The following PIEZO1 variants were observed in gnomAD, a reference collection of about 807,000 sequenced individuals.
PIEZO1 encodes piezo-type mechanosensitive ion channel component 1.
PIEZO1 carries 296 observed loss-of-function variants against 297.2 expected under a neutral mutation model. The observed-to-expected ratio is 1.00, with a 90% CI of 0.91 to 1.10. The LOEUF (loss-of-function observed/expected upper bound fraction) is 1.10. PIEZO1 is among the 50% of genes least tolerant of loss of function. The pLI, the probability that PIEZO1 is intolerant of heterozygous loss-of-function variation, is 0.00. For synonymous variants in PIEZO1, 2,427 were observed against 1,507.5 expected, an observed-to-expected ratio of 1.61 and a Z score of -14.13; for missense variants, 5,018 against 3,455.5, an observed-to-expected ratio of 1.45 and a Z score of -11.34.
In PIEZO1 at chr16:88,738,360, G is replaced by A. The variant is rs777483750; in HGVS notation, c.715C>T (p.Pro239Ser). The change falls in exon 7 of 51, where the codon CCC becomes TCC. Residue 239 changes from proline (P) to serine (S), a missense_variant. Physicochemically the swap from Pro to Ser is moderately conservative, Grantham distance 74. Transcript: ENST00000301015. ...ALCTWWACHF[P>S]ISTRGFSRLC... ...CTGCTGAAGCCCCGAGTGCTGATGGGAAAGTGGCAGGCCCACCAGGTGCAG... is the reference window on the plus strand; with the variant it reads ...CTGCTGAAGCCCCGAGTGCTGATGGAAAAGTGGCAGGCCCACCAGGTGCAG... The A allele has an allele frequency of 6.5e-7, 1 of 1,535,776 alleles. No homozygotes were observed. Among genetic ancestry groups the A allele is most frequent in the Admixed American group, 2.0e-5 (1 of 50,990 alleles).
At chr16:88,738,987 C>G in intron 5 of PIEZO1, 1 of 567,576 alleles carries the variant, frequency 1.8e-6, no homozygotes, top group Non-Finnish European at 3.2e-6. Flanking sequence ...GGCCGAAGAC[C>G]CAGGGTCTGT....
At position 88,732,339 on chromosome 16, in the gene PIEZO1, A is replaced by C; in HGVS notation, c.2987T>G (p.Leu996Arg). ...GAGGCAATGTCCTTGCCTCACCTCC[A>C]GCCCGAATTTGTAGAAGAAGAAGTT... ...FINFFFYKFG[L>R]EICFLMAVNV... The change falls in exon 21 of 51, where the codon CTG (leucine) becomes CGG (arginine). Residue 996 changes from leucine to arginine, a missense_variant. Transcript: ENST00000301015. 1 of 1,549,144 alleles carries C rather than the reference A, an allele frequency of 6.5e-7. No homozygotes were observed. The highest frequency in any genetic ancestry group is 8.7e-7 in the Non-Finnish European group (1 of 1,146,116).
rs533650274 is a variant in PIEZO1, at chr16:88,748,817, C to A, written c.160+567G>T. ...GCGTGGTGGCTCACACCTGTAATTG[C>A]AGCTACTTGGGAGGCTGGGATGCGA... is the stretch of plus-strand genomic sequence containing the variant. On this transcript the variant is annotated intron_variant, in intron 2 of 50. Transcript: ENST00000301015. Among the ~76,000 whole-genome samples the A allele has an allele frequency of 4.6e-5, 7 of 151,262 alleles. No homozygotes were observed. In the South Asian group the frequency reaches 8.4e-4, roughly 18 times the overall value.
Position 88,736,311 on chromosome 16 carries a change from AG to A in PIEZO1, c.1393del (p.Leu465CysfsTer11). On this transcript the variant is annotated frameshift_variant, in exon 12 of 51. Transcript: ENST00000301015. LOFTEE classifies it high-confidence loss of function. The stretch of plus-strand genomic sequence containing the variant: ...ATACAGCAGGATGCAGGGCGAGCAC[AG>A]CATGGCCAGTTGGTGGCGGCTGCGC... ...TVRSRHQLAM[L>X]CSPCILLYGM... 1.9e-6 allele frequency: 3 copies of A among 1,550,248 alleles called. No homozygotes were observed. Among genetic ancestry groups the A allele is most frequent in the African/African-American group, 2.7e-5 (2 of 73,160 alleles).
chr16:88,760,040 C>A (rs1207609197), intron 1 of PIEZO1, among the ~76,000 whole-genome samples: 1 of 152,224 alleles, frequency 6.6e-6, no homozygotes, highest in Non-Finnish European at 1.5e-5. Flanking sequence ...CCACCTGCCC[C>A]TCAAAGGCCC....
intron 19 of PIEZO1, 189 bp from the exon 20 acceptor site, chr16:88,732,921 G>T: frequency 3.2e-6 from 2 of 622,370 alleles, no homozygotes; most frequent in Middle Eastern, 4.4e-4. Flanking sequence ...GAGACCACGG[G>T]CAGGGGCTGG....
At position 88,736,632 on chromosome 16, in the gene PIEZO1, C is replaced by T. The variant is rs189598026; in HGVS notation, c.1296+7G>A. The T allele has an allele frequency of 1.6e-4, 251 of 1,523,900 alleles. 3 individuals carry two copies. In the East Asian group the frequency reaches 3.0e-3, roughly 18 times the overall value. 94.4% of individuals were successfully genotyped at this position (1,523,900 alleles called of 1,614,324 possible). Reference sequence around the variant, plus strand: ...GGCCGCCCACCCCAACCCCCACAGCCGCCTACCATCATGGCAATGAGCGCG... The same window carrying T: ...GGCCGCCCACCCCAACCCCCACAGCTGCCTACCATCATGGCAATGAGCGCG... On this transcript the variant is annotated splice_region_variant and intron_variant, in intron 11 of 50. Coordinates refer to ENST00000301015, the MANE Select transcript of PIEZO1 (RefSeq NM_001142864.4).
chr16:88,776,798 A>G (rs1201388824), intron 1 of PIEZO1, among the ~76,000 whole-genome samples: 1 of 152,176 alleles, frequency 6.6e-6, no homozygotes, highest in Non-Finnish European at 1.5e-5. Flanking sequence ...TCTGCCACCC[A>G]CGGCCCCTGA....
In PIEZO1 at chr16:88,727,655, G is replaced by T. The variant is rs946896063; in HGVS notation, c.3203C>A (p.Pro1068His). The change falls in exon 23 of 51, where the codon CCC (proline) becomes CAC (histidine). Residue 1068 changes from proline to histidine, a missense_variant. Coordinates refer to ENST00000301015, the MANE Select transcript of PIEZO1 (RefSeq NM_001142864.4). The part of the protein sequence containing the change: ...GMPPALCIDY[P>H]WRWSRAVPMN... The stretch of plus-strand genomic sequence containing the variant: ...GGGGACGGCCCGGCTCCAGCGCCAG[G>T]GATAATCTGGGGGAAGGGGTGTCAT... 2.7e-6 allele frequency: 4 copies of T among 1,457,500 alleles called. No individual in the cohort carries two copies. The African/African-American group carries it at 4.3e-5, about 16-fold the overall frequency. The allele number at this position is 1,457,500 out of a possible 1,614,324, so 90.3% of individuals were successfully genotyped here.
chr16:88,736,499 C>G (rs1358429554), intron 11 of PIEZO1, 91 bp from the exon 12 acceptor site: 1 of 597,950 alleles, frequency 1.7e-6, no homozygotes, highest in Non-Finnish European at 3.0e-6. Context: ...GCACAGCTGC[C>G]CAGCGCACCC....
At position 88,720,013 on chromosome 16, in the gene PIEZO1, C is replaced by A; in HGVS notation, c.6165-53G>T. 7 of 1,549,056 alleles carry A rather than the reference C, an allele frequency of 4.5e-6. No homozygotes were observed. The South Asian group carries it at 8.3e-5, about 18-fold the overall frequency. On this transcript the variant is annotated intron_variant, in intron 42 of 50. Coordinates refer to ENST00000301015, the MANE Select transcript of PIEZO1 (RefSeq NM_001142864.4). Reference sequence around the variant, plus strand: ...CCCATCAGAAACAGCCCCGCAGGGCCCCCAGCCTGCACTGCCCCGCCCCTG... The same window carrying A: ...CCCATCAGAAACAGCCCCGCAGGGCACCCAGCCTGCACTGCCCCGCCCCTG...
Position 88,725,073 on chromosome 16 carries a change from G to C in PIEZO1, c.4170C>G (p.Asp1390Glu), listed in dbSNP as rs916310338. The change falls in exon 30 of 51, where the codon GAC becomes GAG. Residue 1390 changes from aspartate to glutamate, a missense_variant. Physicochemically the swap from Asp to Glu is conservative, Grantham distance 45 (BLOSUM62 2). Coordinates refer to ENST00000301015, the MANE Select transcript of PIEZO1 (RefSeq NM_001142864.4). ...GTGGCGGGGAGGAGCCCCCTGGACTGTCGGGCCCTGTGGAGGGGCAGGGTG... is the reference window on the plus strand; with the variant it reads ...GTGGCGGGGAGGAGCCCCCTGGACTCTCGGGCCCTGTGGAGGGGCAGGGTG... Reference protein sequence around the residue: ...PKDPGLEPGPDSPGGSSPPRR... With the variant: ...PKDPGLEPGPESPGGSSPPRR... 18 of 1,511,622 alleles carry C rather than the reference G, an allele frequency of 1.2e-5. No homozygotes were observed. The highest frequency in any genetic ancestry group is 1.6e-5 in the Non-Finnish European group (18 of 1,132,712). The allele number at this position is 1,511,622 out of a possible 1,614,324, so 93.6% of individuals were successfully genotyped here. A position where few individuals can be genotyped will look rare whatever the true frequency, so the allele number is the denominator to read the frequency against.
intron 2 of PIEZO1, among the ~76,000 whole-genome samples, chr16:88,748,476 G>GC (rs1429291118): frequency 4.3e-5 from 5 of 115,256 alleles, no homozygotes; most frequent in Admixed American, 9.3e-5. Flanking sequence ...GGTTCCCAAG[G>GC]GGGGTCTCAG....
chr16:88,750,536 C>T (rs982696101), intron 1 of PIEZO1, among the ~76,000 whole-genome samples: 1 of 152,230 alleles, frequency 6.6e-6, no homozygotes. Flanking sequence ...GGCCTCCCAC[C>T]CTCATCCTGA....
chr16:88,726,310 G>C lies in PIEZO1; in HGVS notation c.3942C>G (p.Leu1314=), dbSNP rs1904426108. Residue 1314 remains leucine (L), a synonymous_variant, in exon 27 of 51, where the codon CTC becomes CTG. Transcript: ENST00000301015. ...SHYYLHVRAD[L]QATALLASRG... ...TGGAGGCTAGCAGGGCGGTGGCCTG[G>C]AGGTCGGCCCTGACGTGCAGGTAGT... is the stretch of plus-strand genomic sequence containing the variant. The C allele has an allele frequency of 1.3e-6, 2 of 1,549,904 alleles. No individual in the cohort carries two copies. The highest frequency in any genetic ancestry group is 1.4e-5 in the African/African-American group (1 of 73,068).
rs188112952 is a variant in PIEZO1 at position 88,739,116 on chromosome 16, C to T, written c.466-380G>A. 558 of 213,428 alleles carry T rather than the reference C, an allele frequency of 2.6e-3. 2 individuals carry two copies. Among genetic ancestry groups the T allele is most frequent in the African/African-American group, 0.012 (536 of 43,542 alleles). The allele number at this position is 213,428 out of a possible 1,614,324, so 13.2% of individuals were successfully genotyped here. ...GAGCAGCGGGGCCCTGTCTATACCC[C>T]GGGGGGTCTCTAGAGACCAAGGGGG... is the stretch of plus-strand genomic sequence containing the variant. On this transcript the variant is annotated intron_variant, in intron 5 of 50. Coordinates refer to ENST00000301015, the MANE Select transcript of PIEZO1 (RefSeq NM_001142864.4).
chr16:88,783,354 T>A (rs375502621), intron 1 of PIEZO1, among the ~76,000 whole-genome samples: 54 of 152,180 alleles, frequency 3.5e-4, no homozygotes, highest in African/African-American at 1.3e-3. Context: ...AAGAAGAAGA[T>A]TTTGTGACAT....
chr16:88,734,078 A>G, intron 16 of PIEZO1, 24 bp from the exon 17 acceptor site: 1 of 1,485,564 alleles, frequency 6.7e-7, no homozygotes, highest in South Asian at 1.3e-5. Context: ...CGAAAATGTC[A>G]TCTCCCAACT....
chr16:88,753,728 T>C (rs1457170134), intron 1 of PIEZO1, among the ~76,000 whole-genome samples: 4 of 152,192 alleles, frequency 2.6e-5, no homozygotes, highest in Admixed American at 6.5e-5. Context: ...GGCAGTGCTC[T>C]TGGTCTAAGT....
Sources: gnomAD v4.1 joint callset for allele counts (sites outside exome capture counted in the v4.1 genomes callset) on GRCh38, gnomAD v4.1.1 for gene constraint, MANE v1.5 for transcripts, NCBI Gene and HGNC (gene_info 2026-07-23, HGNC 2026-07-21) for gene names.